KAT2B: variants seen among roughly 807,000 people sequenced by gnomAD.
KAT2B encodes lysine acetyltransferase 2B.
A neutral mutation model predicts 105.9 loss-of-function variants in KAT2B; 36 were observed. The ratio of observed to expected loss-of-function variants is 0.34; its 90% CI spans 0.26 to 0.45. The LOEUF is 0.45. Ranked by LOEUF, KAT2B falls within the 20% of genes least tolerant of loss-of-function variation. KAT2B has a pLI of 1.00. For missense variants in KAT2B, 820 were observed against 1,021.6 expected (o/e 0.80, Z 2.69); for synonymous variants, 397 against 377.9 (o/e 1.05, Z -0.59).
chr3:20,105,584 C>G (rs62243134), intron 5 of KAT2B, among the ~76,000 whole-genome samples: 4 of 151,914 alleles, frequency 2.6e-5, no homozygotes, highest in Non-Finnish European at 4.4e-5. Flanking sequence ...TGAGCCCAGC[C>G]TGGGCAACAG....
chr3:20,061,015 T>G (rs1373648410), intron 1 of KAT2B, among the ~76,000 whole-genome samples: 1 of 152,208 alleles, frequency 6.6e-6, no homozygotes, highest in East Asian at 1.9e-4. Flanking sequence ...TCTGAACTAT[T>G]TTTAAGTGTC....
intron 2 of KAT2B, among the ~76,000 whole-genome samples, chr3:20,092,381 G>A (rs7639282): frequency 0.19 from 28,436 of 151,040 alleles, 2,769 homozygotes; most frequent in Middle Eastern, 0.23. Context: ...AGCATGTGCC[G>A]CCACATCCAG....
chr3:20,082,596 G>A (rs1279897883), intron 2 of KAT2B, among the ~76,000 whole-genome samples: 2 of 152,014 alleles, frequency 1.3e-5, no homozygotes, highest in African/African-American at 4.8e-5. Flanking sequence ...TTGACATTTT[G>A]ATGGAGGAAT....
intron 12 of KAT2B, 82 bp from the exon 13 acceptor site, chr3:20,140,139 C>A: frequency 1.1e-6 from 1 of 896,182 alleles, no homozygotes; most frequent in Admixed American, 2.0e-5. Flanking sequence ...CTTGATTCCT[C>A]ACACAGTGCC....
At chr3:20,057,613 C>T (rs541590012) in intron 1 of KAT2B, among the ~76,000 whole-genome samples, 6 of 152,120 alleles carry the variant, frequency 3.9e-5, no homozygotes, top group Non-Finnish European at 8.8e-5. Flanking sequence ...CTGATAAATT[C>T]TGTGTGTGTG....
intron 1 of KAT2B, among the ~76,000 whole-genome samples, chr3:20,047,281 A>G (rs905703049): frequency 6.6e-6 from 1 of 152,086 alleles, no homozygotes; most frequent in Non-Finnish European, 1.5e-5. Flanking sequence ...CATGTTTAAC[A>G]GGCTGGTCTT....
intron 2 of KAT2B, among the ~76,000 whole-genome samples, chr3:20,082,097 C>T (rs1488298040): frequency 2.0e-5 from 3 of 151,994 alleles, no homozygotes; most frequent in Non-Finnish European, 2.9e-5. Context: ...TGCAATGGTG[C>T]AGTCTTGGCT....
intron 8 of KAT2B, among the ~76,000 whole-genome samples, chr3:20,120,078 A>G (rs1326035505): frequency 1.3e-5 from 2 of 152,090 alleles, no homozygotes; most frequent in African/African-American, 4.8e-5. Context: ...TCTGCTTCAC[A>G]TATTTCTCAT....
At chr3:20,114,180 C>G (rs1699167677) in intron 6 of KAT2B, among the ~76,000 whole-genome samples, 1 of 151,998 alleles carries the variant, frequency 6.6e-6, no homozygotes, top group South Asian at 2.1e-4. Context: ...TATGGGTTGC[C>G]AAAACTTGAG....
At chr3:20,108,631 G>T (rs949445299) in intron 5 of KAT2B, among the ~76,000 whole-genome samples, 1 of 152,140 alleles carries the variant, frequency 6.6e-6, no homozygotes, top group Non-Finnish European at 1.5e-5. Context: ...TGCTGTAGAG[G>T]TTTGCAGCCT....
chr3:20,141,684 T>C (rs1699696796), intron 13 of KAT2B, among the ~76,000 whole-genome samples: 1 of 152,222 alleles, frequency 6.6e-6, no homozygotes, highest in Non-Finnish European at 1.5e-5. Context: ...CCTAAAGCTT[T>C]TTACACAGTG....
chr3:20,111,214 G>T (rs1384022578), intron 5 of KAT2B, among the ~76,000 whole-genome samples: 1 of 152,068 alleles, frequency 6.6e-6, no homozygotes, highest in African/African-American at 2.4e-5. Context: ...ATGCTCACAA[G>T]AACCCAATGA....
rs1272012457 is a variant in KAT2B at position 20,154,338 on chromosome 3, C to T, written c.*1813C>T. On this transcript the variant is annotated 3_prime_UTR_variant, in exon 18 of 18. Transcript: ENST00000263754. Reference sequence around the variant, plus strand: ...GCTTTAACAGCTGATAAAAATTTTACATTTGTAAAATTAATATATTGTACT... The same window carrying T: ...GCTTTAACAGCTGATAAAAATTTTATATTTGTAAAATTAATATATTGTACT... 6.6e-6 allele frequency: 1 copy of T among 152,546 alleles called. No individual in the cohort carries two copies. Among genetic ancestry groups the T allele is most frequent in the African/African-American group, 2.4e-5 (1 of 41,430 alleles). 9.4% of individuals were successfully genotyped at this position (152,546 alleles called of 1,614,324 possible).
chr3:20,069,524 CTTTTCT>C (rs752060505), intron 1 of KAT2B, among the ~76,000 whole-genome samples: 191 of 144,382 alleles, frequency 1.3e-3, no homozygotes, highest in Non-Finnish European at 1.9e-3. Context: ...CTTTTCTTTT[CTTTTCT>C]TTTTTTTTTT....
intron 7 of KAT2B, among the ~76,000 whole-genome samples, chr3:20,115,692 C>CGTT (rs1699195252): frequency 6.6e-6 from 1 of 152,152 alleles, no homozygotes; most frequent in South Asian, 2.1e-4. Context: ...AACACATATA[C>CGTT]TTGAGTAATG....
intron 5 of KAT2B, among the ~76,000 whole-genome samples, chr3:20,108,357 T>C (rs1048236296): frequency 6.6e-6 from 1 of 152,184 alleles, no homozygotes; most frequent in Non-Finnish European, 1.5e-5. Context: ...AGCAGAGACA[T>C]AGAATCATCC....
chr3:20,133,996 T>C (rs956625926), intron 11 of KAT2B, among the ~76,000 whole-genome samples: 1 of 152,198 alleles, frequency 6.6e-6, no homozygotes, highest in African/African-American at 2.4e-5. Flanking sequence ...ATTTTTGATA[T>C]TAAATCTTTG....
At chr3:20,148,037 T>A in intron 15 of KAT2B, 38 bp downstream of exon 15, 1 of 789,288 alleles carries the variant, frequency 1.3e-6, no homozygotes, top group African/African-American at 2.0e-5. Context: ...ATGGAAGTGA[T>A]TTTTTTTTTT....
chr3:20,131,585 T>A (rs1273118734), intron 11 of KAT2B, among the ~76,000 whole-genome samples: 1 of 152,076 alleles, frequency 6.6e-6, no homozygotes, highest in East Asian at 1.9e-4. Flanking sequence ...TTTAATTTTT[T>A]GAGATGGGGT....
Sources: allele counts gnomAD v4.1 joint callset (sites outside exome capture counted in the v4.1 genomes callset), GRCh38; gene constraint gnomAD v4.1.1; transcripts MANE v1.5; gene names NCBI Gene and HGNC (gene_info 2026-07-23, HGNC 2026-07-21).